The following HIVEP1 variants were observed in gnomAD, a reference collection of about 807,000 sequenced individuals.
HIVEP1 encodes zinc finger protein 40.
In HIVEP1, 36 loss-of-function variants were observed where a neutral mutation model predicts 180.0. That is an observed-to-expected ratio of 0.20 (90% CI 0.15 to 0.26). The LOEUF (loss-of-function observed/expected upper bound fraction) is 0.26, where lower values mean the gene tolerates loss of function less well. Among genes scored for constraint, HIVEP1 ranks in the 10% least tolerant of loss-of-function variants. The probability of loss-of-function intolerance (pLI) is 1.00; values close to 1 mark genes in which losing one functional copy is unlikely to be tolerated. For synonymous variants in HIVEP1, 1,239 were observed against 1,239.0 expected (o/e 1.00, Z 0.00); for missense variants, 3,143 against 3,268.7 (o/e 0.96, Z 0.94).
upstream of HIVEP1, among the ~76,000 whole-genome samples, chr6:12,011,270 T>TCCCCCCCC (rs76242358): frequency 0.019 from 1,362 of 71,706 alleles, 34 homozygotes; most frequent in African/African-American, 0.021. Context: ...CCCCTTGGGG[T>TCCCCCCCC]CCCCCCCCCC....
chr6:12,171,693 G>A, the HIVEP1 span, among the ~76,000 whole-genome samples: 8 of 152,188 alleles, frequency 5.3e-5, 1 homozygote. Flanking sequence ...TGAGGGAAAT[G>A]CCATGTCCCC....
At chr6:12,201,495 CAAACA>C in the HIVEP1 span, among the ~76,000 whole-genome samples, 9 of 151,340 alleles carry the variant, frequency 5.9e-5, no homozygotes, top group Non-Finnish European at 1.0e-4. Context: ...AACAAACAAA[CAAACA>C]AAACAAAACA....
At chr6:12,169,977 C>G (rs542968887), downstream of HIVEP1, among the ~76,000 whole-genome samples, 2 of 151,874 alleles carry the variant, frequency 1.3e-5, no homozygotes, top group South Asian at 4.2e-4. Context: ...AAAAAGTAGC[C>G]GGGGGTGGTG....
intron 3 of HIVEP1, among the ~76,000 whole-genome samples, chr6:12,097,475 T>C (rs1295191100): frequency 2.0e-5 from 3 of 152,106 alleles, no homozygotes; most frequent in Non-Finnish European, 2.9e-5. Flanking sequence ...CCTAACAAAT[T>C]TCCCTTGGGA....
Position 12,013,041 on chromosome 6 carries a change from C to T in HIVEP1, c.-104+475C>T, listed in dbSNP as rs984962846. 6.4e-4 allele frequency among the ~76,000 whole-genome samples: 97 copies of T among 151,822 alleles called. 1 individual carries two copies. Among genetic ancestry groups the T allele is most frequent in the Non-Finnish European group, 2.4e-4 (16 of 67,948 alleles). On this transcript the variant is annotated intron_variant, in intron 1 of 8. Coordinates refer to ENST00000379388, the MANE Select transcript of HIVEP1 (RefSeq NM_002114.4). ...GGGGTGCGGGTCGGCTCGGGCTCGC[C>T]TTGGGGTCGGGCTCGGGAAGGAGTT...
intron 2 of HIVEP1, among the ~76,000 whole-genome samples, chr6:12,065,577 T>A (rs1212922213): frequency 1.3e-5 from 2 of 152,144 alleles, no homozygotes; most frequent in African/African-American, 4.8e-5. Context: ...AGCTGGTTCT[T>A]CCCCTGACGG....
At chr6:12,066,191 G>C (rs1004669435) in intron 2 of HIVEP1, among the ~76,000 whole-genome samples, 1 of 152,028 alleles carries the variant, frequency 6.6e-6, no homozygotes, top group Non-Finnish European at 1.5e-5. Context: ...CTTGTGCGCT[G>C]TTTCCATTGG....
At chr6:12,074,103 A>G (rs913819767) in intron 2 of HIVEP1, among the ~76,000 whole-genome samples, 4 of 152,228 alleles carry the variant, frequency 2.6e-5, no homozygotes, top group Non-Finnish European at 5.9e-5. Flanking sequence ...TATGCATGAA[A>G]ACATTTTATT....
At chr6:12,168,123 C>G (rs1234562366), downstream of HIVEP1, among the ~76,000 whole-genome samples, 1 of 76,704 alleles carries the variant, frequency 1.3e-5, no homozygotes, top group African/African-American at 6.3e-5. Context: ...ATTATATATA[C>G]ATATATACGT....
At chr6:12,107,661 G>T (rs1263387168) in intron 3 of HIVEP1, among the ~76,000 whole-genome samples, 1 of 152,208 alleles carries the variant, frequency 6.6e-6, no homozygotes, top group Non-Finnish European at 1.5e-5. Context: ...AGACCTTCGT[G>T]GTGAGTGTTA....
intron 2 of HIVEP1, among the ~76,000 whole-genome samples, chr6:12,036,736 T>C (rs962558297): frequency 6.6e-6 from 1 of 152,218 alleles, no homozygotes; most frequent in Admixed American, 6.5e-5. Context: ...GAACCCCATC[T>C]GTACTAATAA....
chr6:12,096,495 T>C (rs2113369712), intron 3 of HIVEP1, among the ~76,000 whole-genome samples: 1 of 151,798 alleles, frequency 6.6e-6, no homozygotes, highest in Admixed American at 6.6e-5. Context: ...AAAATGCTAG[T>C]TTCTCGCCTA....
At chr6:12,093,740 T>C (rs1279403893) in intron 3 of HIVEP1, among the ~76,000 whole-genome samples, 1 of 152,054 alleles carries the variant, frequency 6.6e-6, no homozygotes, top group African/African-American at 2.4e-5. Context: ...TGAATTTGTT[T>C]ACCCATATTT....
At chr6:12,106,398 C>CT (rs1207433256) in intron 3 of HIVEP1, among the ~76,000 whole-genome samples, 1 of 151,962 alleles carries the variant, frequency 6.6e-6, no homozygotes, top group Non-Finnish European at 1.5e-5. Flanking sequence ...ATGTAAGCCA[C>CT]TTTTAAACAA....
At chr6:12,114,047 T>G (rs767646454) in intron 3 of HIVEP1, among the ~76,000 whole-genome samples, 1 of 152,204 alleles carries the variant, frequency 6.6e-6, no homozygotes, top group Non-Finnish European at 1.5e-5. Context: ...ATAAACACAC[T>G]CAACCCTCCC....
chr6:12,192,648 G>A, the HIVEP1 span, among the ~76,000 whole-genome samples: 6 of 152,096 alleles, frequency 3.9e-5, no homozygotes, highest in African/African-American at 1.2e-4. Flanking sequence ...GCCATGTGAA[G>A]ACGCGCTTGC....
chr6:12,199,486 G>A, the HIVEP1 span, among the ~76,000 whole-genome samples: 11 of 150,318 alleles, frequency 7.3e-5, no homozygotes, highest in East Asian at 4.0e-4. Flanking sequence ...CTCAGCCTCC[G>A]GAGTAGCTGG....
At chr6:12,140,055 G>A (rs900817352) in intron 7 of HIVEP1, among the ~76,000 whole-genome samples, 1 of 152,344 alleles carries the variant, frequency 6.6e-6, no homozygotes, top group Middle Eastern at 3.4e-3. Flanking sequence ...CCTGACCCCC[G>A]TGTAGCCTAA....
At chr6:12,118,082 A>G (rs1279493602) in intron 3 of HIVEP1, among the ~76,000 whole-genome samples, 1 of 151,928 alleles carries the variant, frequency 6.6e-6, no homozygotes, top group African/African-American at 2.4e-5. Context: ...AGTGAATAAT[A>G]CTGATACTTT....
Sources: gnomAD v4.1 joint callset for allele counts (sites outside exome capture counted in the v4.1 genomes callset) on GRCh38, gnomAD v4.1.1 for gene constraint, MANE v1.5 for transcripts, NCBI Gene and HGNC (gene_info 2026-07-23, HGNC 2026-07-21) for gene names.